The following MAGI2 variants were observed in gnomAD, a reference collection of about 807,000 sequenced individuals.
MAGI2 encodes the protein membrane-associated guanylate kinase, WW and PDZ domain-containing protein 2.
Under a neutral mutation model 133.3 loss-of-function variants are expected in MAGI2, and 35 were observed. That is an observed-to-expected ratio of 0.26 (90% confidence interval 0.20 to 0.35). MAGI2 has a LOEUF of 0.35. Ranked by LOEUF, MAGI2 falls within the 10% of genes least tolerant of loss-of-function variation. The pLI, the probability that MAGI2 is intolerant of heterozygous loss-of-function variation, is 1.00. For synonymous variants in MAGI2, 729 were observed against 710.6 expected, an observed-to-expected ratio of 1.03 and a Z score of -0.41; for missense variants, 1,636 against 1,863.4, an observed-to-expected ratio of 0.88 and a Z score of 2.25.
At chr7:79,425,225 C>A (rs922344987) in intron 1 of MAGI2, among the ~76,000 whole-genome samples, 13 of 150,888 alleles carry the variant, frequency 8.6e-5, no homozygotes, top group Admixed American at 2.0e-4. Context: ...GCACTCCAGC[C>A]TGGGCGACAG....
At chr7:78,261,933 C>T (rs1793556912) in intron 9 of MAGI2, among the ~76,000 whole-genome samples, 2 of 152,160 alleles carry the variant, frequency 1.3e-5, no homozygotes, top group African/African-American at 2.4e-5. Context: ...CTCACCACAT[C>T]AGTTAAATGG....
At chr7:79,293,933 A>C (rs551554169) in intron 1 of MAGI2, among the ~76,000 whole-genome samples, 1 of 152,340 alleles carries the variant, frequency 6.6e-6, no homozygotes, top group African/African-American at 2.4e-5. Context: ...CTGTAATCCC[A>C]GAACTTTGGG....
rs1014154105 is a variant in MAGI2, at chr7:78,378,823, G to C, written c.1046-9610C>G. ...AGATCTAAGCTTATATGAAAGGTGG[G>C]GACAAAGATAGAATAATAATATGTA... On this transcript the variant is annotated intron_variant, in intron 6 of 21. Coordinates refer to ENST00000354212, the MANE Select transcript of MAGI2 (RefSeq NM_012301.4). Among the ~76,000 whole-genome samples, 7 of 151,686 alleles carry C rather than the reference G, an allele frequency of 4.6e-5. 1 individual carries two copies. The South Asian group carries it at 8.4e-4, about 18-fold the overall frequency.
chr7:78,209,322 C>T (rs1481151256), intron 10 of MAGI2, among the ~76,000 whole-genome samples: 17 of 130,856 alleles, frequency 1.3e-4, no homozygotes, highest in East Asian at 2.6e-4. Context: ...AGAGCAGTGG[C>T]GCGATCTCGG....
chr7:79,182,149 G>C (rs1172040463), intron 1 of MAGI2, among the ~76,000 whole-genome samples: 4 of 151,798 alleles, frequency 2.6e-5, no homozygotes, highest in Non-Finnish European at 5.9e-5. Context: ...CATGTTTTTG[G>C]GTTTCTTTTC....
At chr7:78,956,351 T>A (rs1030520630) in intron 2 of MAGI2, among the ~76,000 whole-genome samples, 1 of 152,166 alleles carries the variant, frequency 6.6e-6, no homozygotes, top group Non-Finnish European at 1.5e-5. Flanking sequence ...TTCCCATCCA[T>A]GCTGCCTGAT....
chr7:78,549,511 C>G (rs1799156592), intron 3 of MAGI2, among the ~76,000 whole-genome samples: 1 of 152,062 alleles, frequency 6.6e-6, no homozygotes, highest in Non-Finnish European at 1.5e-5. Flanking sequence ...GGATCACCTA[C>G]TATAAAGCCA....
chr7:78,343,214 A>G (rs545008677), intron 9 of MAGI2, among the ~76,000 whole-genome samples: 1 of 152,318 alleles, frequency 6.6e-6, no homozygotes, highest in African/African-American at 2.4e-5. Flanking sequence ...TATTTCCACA[A>G]GAAATAAATT....
At chr7:79,271,577 G>GT (rs1185357479) in intron 1 of MAGI2, among the ~76,000 whole-genome samples, 2 of 151,428 alleles carry the variant, frequency 1.3e-5, no homozygotes, top group African/African-American at 4.8e-5. Context: ...TCTTAGAGAA[G>GT]TTTTTTAAAT....
chr7:78,655,999 A>AG (rs1234749159), intron 2 of MAGI2, among the ~76,000 whole-genome samples: 6 of 130,550 alleles, frequency 4.6e-5, no homozygotes, highest in East Asian at 2.3e-4. Context: ...AAAAAAAAAG[A>AG]AAAAGAAAAG....
rs188597942 is a variant in MAGI2, at chr7:78,019,249, C to G, written c.*66G>C. On this transcript the variant is annotated 3_prime_UTR_variant, in exon 22 of 22. Coordinates refer to ENST00000354212, the MANE Select transcript of MAGI2 (RefSeq NM_012301.4). ...GTGACAGTGAAAATAAATTAAAACG[C>G]CGTGAGACGGAACCTAAGAAGAACT... The G allele has an allele frequency of 8.0e-3, 12,345 of 1,546,494 alleles. 82 individuals carry two copies. The highest frequency in any genetic ancestry group is 9.0e-3 in the Non-Finnish European group (10,269 of 1,146,906).
At chr7:78,332,697 CAAAAA>C (rs35777998) in intron 9 of MAGI2, among the ~76,000 whole-genome samples, 14 of 117,316 alleles carry the variant, frequency 1.2e-4, no homozygotes, top group Admixed American at 1.7e-4. Flanking sequence ...GACTCCGTCT[CAAAAA>C]AAAAAAAAAA....
intron 1 of MAGI2, among the ~76,000 whole-genome samples, chr7:79,068,225 A>G (rs1814574577): frequency 6.6e-6 from 1 of 152,154 alleles, no homozygotes; most frequent in Non-Finnish European, 1.5e-5. Flanking sequence ...CTGTGAATCC[A>G]TCTGGTCCTG....
Position 78,356,096 on chromosome 7 carries a change from A to G in MAGI2, c.1104-10053T>C, listed in dbSNP as rs150692171. On this transcript the variant is annotated intron_variant, in intron 7 of 21. Transcript: ENST00000354212. ...TCCCTTAGGGCAAGTCCTAACATCAATTTCTTGAACTCTTTGCCCTTACTG... is the reference window on the plus strand; with the variant it reads ...TCCCTTAGGGCAAGTCCTAACATCAGTTTCTTGAACTCTTTGCCCTTACTG... Among the ~76,000 whole-genome samples, 5 of 152,212 alleles carry G rather than the reference A, an allele frequency of 3.3e-5. No individual in the cohort carries two copies. The East Asian group carries it at 9.7e-4, about 29-fold the overall frequency.
At chr7:78,109,945 C>T (rs567341373) in intron 20 of MAGI2, among the ~76,000 whole-genome samples, 1 of 152,250 alleles carries the variant, frequency 6.6e-6, no homozygotes, top group South Asian at 2.1e-4. Context: ...TCCAGAAAGA[C>T]ACAGACTGAA....
chr7:78,654,454 TAGG>T, intron 2 of MAGI2, among the ~76,000 whole-genome samples: 5 of 152,032 alleles, frequency 3.3e-5, no homozygotes, highest in Admixed American at 3.3e-4. Context: ...ACATATCAAA[TAGG>T]TTTGGGGAAT....
chr7:79,079,722 A>G (rs1156355128), intron 1 of MAGI2, among the ~76,000 whole-genome samples: 2 of 152,140 alleles, frequency 1.3e-5, no homozygotes, highest in Non-Finnish European at 2.9e-5. Context: ...AAATAGCCCT[A>G]AGAATTCCTC....
At chr7:78,848,008 A>T (rs189628057) in intron 2 of MAGI2, among the ~76,000 whole-genome samples, 125 of 152,112 alleles carry the variant, frequency 8.2e-4, no homozygotes, top group African/African-American at 2.9e-3. Context: ...ATTATCAAGC[A>T]CTAAAAATGA....
intron 2 of MAGI2, among the ~76,000 whole-genome samples, chr7:78,796,808 G>C (rs1428227857): frequency 6.6e-6 from 1 of 152,114 alleles, no homozygotes; most frequent in Non-Finnish European, 1.5e-5. Context: ...AAAAAAGAAT[G>C]AAATCCTGTC....
Sources: gnomAD v4.1 joint callset for allele counts (sites outside exome capture counted in the v4.1 genomes callset) on GRCh38, gnomAD v4.1.1 for gene constraint, MANE v1.5 for transcripts, NCBI Gene and HGNC (gene_info 2026-07-23, HGNC 2026-07-21) for gene names.